Variants in NFIB observed in about 807,000 individuals in gnomAD.
NFIB encodes nuclear factor 1 B-type.
NFIB carries 11 observed loss-of-function variants against 61.5 expected under a neutral mutation model. That is an observed-to-expected ratio of 0.18 (90% confidence interval 0.11 to 0.30). The LOEUF (loss-of-function observed/expected upper bound fraction) is 0.30, where lower values mean the gene tolerates loss of function less well. Among genes scored for constraint, NFIB ranks in the 10% least tolerant of loss-of-function variants. The pLI is 1.00. For synonymous variants in NFIB, 260 were observed against 216.5 expected, an observed-to-expected ratio of 1.20 and a Z score of -1.76; for missense variants, 471 against 608.9, an observed-to-expected ratio of 0.77 and a Z score of 2.38.
intron 5 of NFIB, among the ~76,000 whole-genome samples, chr9:14,148,054 T>C (rs2042460935): frequency 6.6e-6 from 1 of 152,176 alleles, no homozygotes; most frequent in African/African-American, 2.4e-5. Context: ...GATATACTTC[T>C]TTCATATGCC....
intron 1 of NFIB, among the ~76,000 whole-genome samples, chr9:14,398,236 T>C (rs1385455786): frequency 2.6e-5 from 4 of 152,226 alleles, no homozygotes; most frequent in African/African-American, 9.6e-5. Context: ...TTAGGGCCTA[T>C]GGGAAGGGGA....
At chr9:14,495,354 T>C in the NFIB span, among the ~76,000 whole-genome samples, 1 of 151,836 alleles carries the variant, frequency 6.6e-6, no homozygotes. Context: ...TTGCAACATA[T>C]CTACGGGGAT....
chr9:14,511,739 T>G, the NFIB span, among the ~76,000 whole-genome samples: 1 of 152,222 alleles, frequency 6.6e-6, no homozygotes, highest in Non-Finnish European at 1.5e-5. Flanking sequence ...AAATTTGTAT[T>G]CCACTACTTG....
chr9:14,242,451 A>G (rs2054463814), intron 2 of NFIB, among the ~76,000 whole-genome samples: 1 of 152,218 alleles, frequency 6.6e-6, no homozygotes, highest in Non-Finnish European at 1.5e-5. Context: ...TCAGGGCATC[A>G]TGATCTCTCC....
intron 2 of NFIB, among the ~76,000 whole-genome samples, chr9:14,182,959 T>C (rs2046970402): frequency 6.6e-6 from 1 of 152,090 alleles, no homozygotes; most frequent in African/African-American, 2.4e-5. Context: ...TATCAGTAAA[T>C]AAAAGATATT....
the NFIB span, among the ~76,000 whole-genome samples, chr9:14,405,728 C>T: frequency 6.6e-6 from 1 of 152,132 alleles, no homozygotes; most frequent in Non-Finnish European, 1.5e-5. Flanking sequence ...TCCAAAAAAA[C>T]AGTAGGAAAT....
At chr9:14,294,197 C>T (rs1330072210) in intron 2 of NFIB, among the ~76,000 whole-genome samples, 1 of 152,208 alleles carries the variant, frequency 6.6e-6, no homozygotes, top group East Asian at 1.9e-4. Context: ...CAGTGATCCT[C>T]ATATTACTAT....
At position 14,371,486 on chromosome 9, in the gene NFIB, G is replaced by A. The variant is rs185314809; in HGVS notation, c.108+27038C>T. ...TTCTGGTTCTGCCACTAGTTACTTG[G>A]GTGATCTCTGGGCAAGTCACTTAGA... is the stretch of plus-strand genomic sequence containing the variant. On this transcript the variant is annotated intron_variant, in intron 1 of 8. Coordinates refer to the NFIB transcript ENST00000380934. Among the ~76,000 whole-genome samples the A allele has an allele frequency of 5.9e-5, 9 of 152,214 alleles. No homozygotes were observed. The East Asian group carries it at 1.5e-3, about 26-fold the overall frequency.
upstream of NFIB, among the ~76,000 whole-genome samples, chr9:14,402,873 A>T (rs2061755921): frequency 6.6e-6 from 1 of 152,180 alleles, no homozygotes; most frequent in Admixed American, 6.5e-5. Context: ...CTTTTTAATA[A>T]TTTTTTAAAG....
At chr9:14,427,937 G>GTTGTTTTTTTTT in the NFIB span, among the ~76,000 whole-genome samples, 3 of 43,384 alleles carry the variant, frequency 6.9e-5, no homozygotes, top group East Asian at 7.9e-4. Flanking sequence ...TAATTCAGTT[G>GTTGTTTTTTTTT]TTTTTTTTTT....
exon 1 of NFIB, chr9:14,398,672 T>C: frequency 7.2e-7 from 1 of 1,395,362 alleles, no homozygotes; most frequent in Non-Finnish European, 9.7e-7. Context: ...TAGGCTCTGC[T>C]TCTGCCATTT....
the NFIB span, among the ~76,000 whole-genome samples, chr9:14,448,699 A>G: frequency 6.6e-6 from 1 of 152,220 alleles, no homozygotes; most frequent in Non-Finnish European, 1.5e-5. Context: ...AGAGGGGCAA[A>G]TAAGAAATAG....
chr9:14,198,781 C>A (rs1317117057), intron 2 of NFIB, among the ~76,000 whole-genome samples: 2 of 152,148 alleles, frequency 1.3e-5, no homozygotes, highest in Non-Finnish European at 2.9e-5. Flanking sequence ...CTCACAGACA[C>A]CAAACTGGAA....
the NFIB span, among the ~76,000 whole-genome samples, chr9:14,427,747 G>A: frequency 0.086 from 13,012 of 151,938 alleles, 602 homozygotes; most frequent in Non-Finnish European, 0.11. Context: ...TAATAGAAGA[G>A]TGACTGGTTG....
chr9:14,321,673 A>C (rs1469589502), intron 1 of NFIB, among the ~76,000 whole-genome samples: 1 of 152,216 alleles, frequency 6.6e-6, no homozygotes, highest in Non-Finnish European at 1.5e-5. Flanking sequence ...CGTTTGGACC[A>C]CAATGTTACT....
the NFIB span, among the ~76,000 whole-genome samples, chr9:14,525,945 G>T: frequency 2.0e-5 from 3 of 152,054 alleles, no homozygotes; most frequent in Non-Finnish European, 4.4e-5. Context: ...TATGTGTCGT[G>T]GACCTTGTAT....
chr9:14,342,058 C>T (rs1460885878), intron 1 of NFIB, among the ~76,000 whole-genome samples: 2 of 152,114 alleles, frequency 1.3e-5, no homozygotes, highest in African/African-American at 4.8e-5. Flanking sequence ...TTTTCTGTTT[C>T]TCCCTTCTTA....
intron 2 of NFIB, among the ~76,000 whole-genome samples, chr9:14,221,069 T>C (rs1177220271): frequency 6.6e-6 from 1 of 152,132 alleles, no homozygotes; most frequent in East Asian, 1.9e-4. Context: ...AAGCCAAATG[T>C]TGACATACCA....
chr9:14,136,826 C>G (rs1215163523), intron 6 of NFIB, among the ~76,000 whole-genome samples: 1 of 152,104 alleles, frequency 6.6e-6, no homozygotes, highest in African/African-American at 2.4e-5. Context: ...AGTTCAGCAG[C>G]TCAATGCAAA....
Sources: gnomAD v4.1 joint callset for allele counts (sites outside exome capture counted in the v4.1 genomes callset) on GRCh38, gnomAD v4.1.1 for gene constraint, MANE v1.5 for transcripts, NCBI Gene and HGNC (gene_info 2026-07-23, HGNC 2026-07-21) for gene names.